RGS7: variants seen among roughly 807,000 people sequenced by gnomAD.
RGS7 encodes regulator of G protein signaling 7, also known as regulator of G-protein signaling 7.
In RGS7, 27 loss-of-function variants were observed where a neutral mutation model predicts 81.1. The ratio of observed to expected loss-of-function variants is 0.33; its 90% CI spans 0.25 to 0.46. RGS7 has a LOEUF of 0.46. RGS7 is among the 20% of genes least tolerant of loss of function. The pLI is 1.00. For missense variants in RGS7, 396 were observed against 607.4 expected (o/e 0.65, Z 3.66); for synonymous variants, 208 against 207.7 (o/e 1.00, Z -0.01).
intron 3 of RGS7, among the ~76,000 whole-genome samples, chr1:241,012,740 T>A (rs1379409549): frequency 1.3e-5 from 2 of 152,146 alleles, no homozygotes; most frequent in Non-Finnish European, 2.9e-5. Context: ...ATTGGTGAAA[T>A]AAACACCCAG....
chr1:241,281,906 T>C (rs988100318), intron 2 of RGS7, among the ~76,000 whole-genome samples: 5 of 152,306 alleles, frequency 3.3e-5, no homozygotes, highest in African/African-American at 1.2e-4. Context: ...TCTCCATATA[T>C]TTAGTTAAAC....
chr1:240,814,837 C>G, intron 11 of RGS7, 60 bp from the exon 12 acceptor site: 2 of 1,048,240 alleles, frequency 1.9e-6, no homozygotes, highest in Non-Finnish European at 3.0e-6. Context: ...ATTTTCCACT[C>G]TAAATCATGA....
At chr1:241,215,475 G>C (rs1434678779) in intron 2 of RGS7, among the ~76,000 whole-genome samples, 3 of 152,194 alleles carry the variant, frequency 2.0e-5, no homozygotes, top group Admixed American at 1.3e-4. Flanking sequence ...GAATAAATGA[G>C]CAGGTCAGGA....
intron 4 of RGS7, among the ~76,000 whole-genome samples, chr1:240,971,203 C>A (rs1014801634): frequency 6.6e-6 from 1 of 152,090 alleles, no homozygotes; most frequent in Non-Finnish European, 1.5e-5. Context: ...GAGAAGACAG[C>A]CATCCATGAA....
At chr1:241,084,387 T>C (rs1334354289) in intron 3 of RGS7, among the ~76,000 whole-genome samples, 1 of 152,162 alleles carries the variant, frequency 6.6e-6, no homozygotes, top group Non-Finnish European at 1.5e-5. Context: ...TAGTAAAATA[T>C]GAACAATTCT....
intron 3 of RGS7, among the ~76,000 whole-genome samples, chr1:241,092,214 T>C (rs2063932398): frequency 6.6e-6 from 1 of 152,220 alleles, no homozygotes; most frequent in South Asian, 2.1e-4. Context: ...CACTCAAATA[T>C]GCCTGTAGCC....
chr1:240,801,666 G>A (rs963152468), intron 16 of RGS7, among the ~76,000 whole-genome samples, 158 bp from the exon 17 acceptor site: 6 of 152,112 alleles, frequency 3.9e-5, no homozygotes, highest in African/African-American at 1.2e-4. Flanking sequence ...TTGGAGAGCC[G>A]CCAAGGGAGG....
chr1:241,310,389 G>A (rs558125117), intron 2 of RGS7, among the ~76,000 whole-genome samples: 58 of 150,902 alleles, frequency 3.8e-4, no homozygotes, highest in African/African-American at 1.1e-3. Flanking sequence ...ATGAGTGTGC[G>A]TGTGAGTGTG....
At chr1:240,954,262 CA>C (rs1433476604) in intron 4 of RGS7, among the ~76,000 whole-genome samples, 1 of 151,240 alleles carries the variant, frequency 6.6e-6, no homozygotes, top group Non-Finnish European at 1.5e-5. Flanking sequence ...GTAAAGCCAG[CA>C]TTAACTTAAT....
At chr1:241,136,977 A>C (rs1020739715) in intron 2 of RGS7, among the ~76,000 whole-genome samples, 6 of 152,194 alleles carry the variant, frequency 3.9e-5, no homozygotes, top group African/African-American at 1.2e-4. Context: ...AAGCAAACGC[A>C]AAATTCTATT....
chr1:240,945,480 C>G (rs1678451878), intron 4 of RGS7, among the ~76,000 whole-genome samples: 1 of 152,178 alleles, frequency 6.6e-6, no homozygotes, highest in Non-Finnish European at 1.5e-5. Context: ...CCAAAATATC[C>G]TGAATGCATT....
At chr1:241,085,178 G>A (rs1046802368) in intron 3 of RGS7, among the ~76,000 whole-genome samples, 5 of 152,176 alleles carry the variant, frequency 3.3e-5, no homozygotes, top group African/African-American at 1.2e-4. Flanking sequence ...GCAGGAGAAT[G>A]GAATTCATCC....
rs555414866 is a variant in RGS7 at position 240,980,397 on chromosome 1, T to C, written c.226+2682A>G. Among the ~76,000 whole-genome samples the C allele has an allele frequency of 2.4e-4, 37 of 152,298 alleles. No homozygotes were observed. In the South Asian group the frequency reaches 6.6e-3, roughly 27 times the overall value. ...CACAAAACCCTCTTTCAGCAAATTA[T>C]TGACTTCTAGAACATCAAACCATCC... On this transcript the variant is annotated intron_variant, in intron 4 of 18. Coordinates refer to ENST00000440928, the MANE Select transcript of RGS7 (RefSeq NM_001364886.1).
intron 6 of RGS7, among the ~76,000 whole-genome samples, chr1:240,907,867 G>A (rs1167030926): frequency 6.6e-6 from 1 of 152,140 alleles, no homozygotes; most frequent in African/African-American, 2.4e-5. Context: ...AGACTTGAGA[G>A]AATGGAATTT....
At chr1:240,942,915 G>A (rs1229528634) in intron 4 of RGS7, among the ~76,000 whole-genome samples, 1 of 152,046 alleles carries the variant, frequency 6.6e-6, no homozygotes, top group Non-Finnish European at 1.5e-5. Flanking sequence ...AAGTAAAAAT[G>A]GACTATTACC....
intron 4 of RGS7, among the ~76,000 whole-genome samples, chr1:240,957,771 G>C (rs1205965163): frequency 6.6e-6 from 1 of 152,126 alleles, no homozygotes; most frequent in Non-Finnish European, 1.5e-5. Context: ...TGGGGGGTGG[G>C]ATATATAGAA....
At chr1:241,277,390 C>T (rs1197802087) in intron 2 of RGS7, among the ~76,000 whole-genome samples, 1 of 152,046 alleles carries the variant, frequency 6.6e-6, no homozygotes, top group East Asian at 1.9e-4. Flanking sequence ...GAGGCCGAGG[C>T]GGGCGGATCA....
chr1:241,325,892 C>T (rs1048729416), intron 2 of RGS7, among the ~76,000 whole-genome samples: 4 of 152,200 alleles, frequency 2.6e-5, no homozygotes, highest in African/African-American at 4.8e-5. Flanking sequence ...TCCAGGCAAA[C>T]AGGATGACTT....
intron 9 of RGS7, among the ~76,000 whole-genome samples, chr1:240,842,216 T>TTTTTTTTTTTTTTTTTTTTTTTTTAAA (rs1658181941): frequency 7.1e-6 from 1 of 141,290 alleles, no homozygotes. Context: ...TTTTTTTTTT[T>TTTTTTTTTTTTTTTTTTTTTTTTTAAA]GAGACAGAGT....
Sources: allele counts gnomAD v4.1 joint callset (sites outside exome capture counted in the v4.1 genomes callset), GRCh38; gene constraint gnomAD v4.1.1; transcripts MANE v1.5; gene names NCBI Gene and HGNC (gene_info 2026-07-23, HGNC 2026-07-21).